The following SORBS2 variants were observed in gnomAD, a reference collection of about 807,000 sequenced individuals.
SORBS2 encodes the protein sorbin and SH3 domain containing 2.
SORBS2 carries 46 observed loss-of-function variants against 97.7 expected under a neutral mutation model. The observed-to-expected ratio is 0.47, with a 90% CI of 0.37 to 0.60. The LOEUF is 0.60. Ranked by LOEUF, SORBS2 falls within the 20% of genes least tolerant of loss-of-function variation. The pLI is 0.00. For synonymous variants in SORBS2, 476 were observed against 473.4 expected, an observed-to-expected ratio of 1.01 and a Z score of -0.07; for missense variants, 1,316 against 1,282.3, an observed-to-expected ratio of 1.03 and a Z score of -0.40.
At position 185,625,552 on chromosome 4, in the gene SORBS2, T is replaced by A. The variant is rs556476129; in HGVS notation, c.635-1058A>T. Among the ~76,000 whole-genome samples, 76 of 152,364 alleles carry A rather than the reference T, an allele frequency of 5.0e-4. 1 individual carries two copies. The highest frequency in any genetic ancestry group is 1.8e-3 in the African/African-American group (75 of 41,594). ...GAAGTTGATTTAACATTCCCTGTGA[T>A]GAAACAAATATCTACATTTATCAGA... is the stretch of plus-strand genomic sequence containing the variant. On this transcript the variant is annotated intron_variant, in intron 6 of 14. Coordinates refer to ENST00000418609, the Ensembl canonical transcript of SORBS2.
At chr4:185,651,670 A>C (rs1197289540) in intron 2 of SORBS2, 114 bp downstream of exon 11, 1 of 732,018 alleles carries the variant, frequency 1.4e-6, no homozygotes, top group Non-Finnish European at 2.5e-6. Context: ...CCTCCTCCTA[A>C]TATATGAACT....
intron 1 of SORBS2, among the ~76,000 whole-genome samples, chr4:185,919,826 C>T (rs1302765088): frequency 6.6e-6 from 1 of 152,236 alleles, no homozygotes; most frequent in Non-Finnish European, 1.5e-5. Context: ...GTCATCTTTT[C>T]ATGCCATGCA....
At chr4:185,906,643 A>G (rs556881974) in intron 1 of SORBS2, among the ~76,000 whole-genome samples, 1 of 152,382 alleles carries the variant, frequency 6.6e-6, no homozygotes, top group South Asian at 2.1e-4. Flanking sequence ...CCGTGAATGA[A>G]TAAATGAATG....
chr4:185,888,440 G>A (rs1056666558), intron 1 of SORBS2, among the ~76,000 whole-genome samples: 29 of 152,144 alleles, frequency 1.9e-4, no homozygotes, highest in African/African-American at 7.0e-4. Flanking sequence ...TTTGGAAGAA[G>A]CAAAGATTAA....
At chr4:185,786,547 G>A (rs1053991474) in intron 1 of SORBS2, among the ~76,000 whole-genome samples, 1 of 152,224 alleles carries the variant, frequency 6.6e-6, no homozygotes, top group African/African-American at 2.4e-5. Context: ...TACATTCCAA[G>A]GAAAGAACTG....
intron 1 of SORBS2, among the ~76,000 whole-genome samples, chr4:185,869,154 C>T (rs191940674): frequency 3.3e-5 from 5 of 152,274 alleles, no homozygotes; most frequent in Non-Finnish European, 5.9e-5. Flanking sequence ...AAACAGCAAA[C>T]TCTAAGAATA....
intron 1 of SORBS2, among the ~76,000 whole-genome samples, chr4:185,921,450 GA>G (rs1368759383): frequency 6.6e-6 from 1 of 151,986 alleles, no homozygotes; most frequent in South Asian, 2.1e-4. Context: ...GGTGGCGTTA[GA>G]AAAATATTTT....
intron 1 of SORBS2, among the ~76,000 whole-genome samples, chr4:185,801,914 G>A (rs965868307): frequency 9.2e-5 from 14 of 152,122 alleles, no homozygotes; most frequent in Non-Finnish European, 1.9e-4. Context: ...CAGGGCTGTT[G>A]AGCCAGACTC....
At chr4:185,681,715 C>T (rs1295489675) in intron 2 of SORBS2, among the ~76,000 whole-genome samples, 1 of 152,186 alleles carries the variant, frequency 6.6e-6, no homozygotes, top group East Asian at 1.9e-4. Flanking sequence ...TGTCGAGGCA[C>T]AAACTGGTGA....
At chr4:185,823,493 TTTTG>T (rs145304139) in intron 1 of SORBS2, among the ~76,000 whole-genome samples, 33,993 of 151,964 alleles carry the variant, frequency 0.22, 3,977 homozygotes, top group South Asian at 0.31. Context: ...ATAAATTTTC[TTTTG>T]TTTATTTGTA....
chr4:185,602,299 T>C (rs987239497), intron 12 of SORBS2, among the ~76,000 whole-genome samples: 5 of 151,868 alleles, frequency 3.3e-5, no homozygotes, highest in Non-Finnish European at 7.3e-5. Context: ...TGAGCCACCG[T>C]GCCCAGCCAA....
rs199817886 is a variant in SORBS2, at chr4:185,662,086, G to A, written c.94+18C>T. On this transcript the variant is annotated intron_variant, in intron 5 of 20. Coordinates refer to the SORBS2 transcript ENST00000284776. The stretch of plus-strand genomic sequence containing the variant: ...GCATTGAGGTTGCCATGGAAATCAC[G>A]GTGAGTAAATTACTTACCGAGGGAT... 47 of 1,613,310 alleles carry A rather than the reference G, an allele frequency of 2.9e-5. No homozygotes were observed. The highest frequency in any genetic ancestry group is 1.2e-4 in the African/African-American group (9 of 75,014).
chr4:185,587,646 T>G (rs1187670682), exon 15 of SORBS2: 1 of 1,613,476 alleles, frequency 6.2e-7, no homozygotes, highest in South Asian at 1.1e-5. Flanking sequence ...CTTGACGTAG[T>G]TTCCGGGGAA....
intron 4 of SORBS2, among the ~76,000 whole-genome samples, chr4:185,631,133 G>A (rs570221359): frequency 3.3e-5 from 5 of 152,174 alleles, no homozygotes; most frequent in East Asian, 1.9e-4. Context: ...TAGACATGAC[G>A]TTTAAATAAA....
intron 1 of SORBS2, among the ~76,000 whole-genome samples, chr4:185,883,034 A>T (rs947261996): frequency 1.6e-4 from 24 of 152,262 alleles, no homozygotes; most frequent in Middle Eastern, 3.4e-3. Context: ...CACAATCCAT[A>T]AAAGAAAAAA....
intron 13 of SORBS2, among the ~76,000 whole-genome samples, chr4:185,590,484 G>A (rs1167696394): frequency 6.6e-6 from 1 of 152,134 alleles, no homozygotes; most frequent in African/African-American, 2.4e-5. Flanking sequence ...TCTATGTGCA[G>A]TTATTACTGA....
intron 4 of SORBS2, among the ~76,000 whole-genome samples, chr4:185,639,429 G>C (rs1048059411): frequency 1.3e-5 from 2 of 152,170 alleles, no homozygotes; most frequent in African/African-American, 4.8e-5. Flanking sequence ...TTGTTTTTAA[G>C]ATGAAAAAAC....
Position 185,710,929 on chromosome 4 carries a change from G to A in SORBS2, c.-197-32107C>T, listed in dbSNP as rs553099708. Among the ~76,000 whole-genome samples the A allele has an allele frequency of 1.1e-3, 174 of 152,190 alleles. 1 individual carries two copies. The highest frequency in any genetic ancestry group is 4.0e-3 in the African/African-American group (166 of 41,532). On this transcript the variant is annotated intron_variant, in intron 2 of 20. Transcript: ENST00000284776. Reference sequence around the variant, plus strand: ...ACTGCAAATAAATCGTGTGCAAAACGGAACAAGGATCCTATTAATTAATTT... The same window carrying A: ...ACTGCAAATAAATCGTGTGCAAAACAGAACAAGGATCCTATTAATTAATTT...
chr4:185,677,450 A>G, intron 4 of SORBS2: 1 of 1,552,156 alleles, frequency 6.4e-7, no homozygotes, highest in Non-Finnish European at 8.7e-7. Flanking sequence ...ATTCTTCAGA[A>G]TATACAATTG....
Sources: allele counts gnomAD v4.1 joint callset (sites outside exome capture counted in the v4.1 genomes callset), GRCh38; gene constraint gnomAD v4.1.1; transcripts MANE v1.5; gene names NCBI Gene and HGNC (gene_info 2026-07-23, HGNC 2026-07-21).